Variants in MMD2 observed in about 807,000 individuals in gnomAD.
The protein encoded by MMD2 is monocyte to macrophage differentiation factor 2.
Under a neutral mutation model 33.5 loss-of-function variants are expected in MMD2, and 30 were observed. The ratio of observed to expected loss-of-function variants is 0.90; its 90% CI spans 0.67 to 1.22. The LOEUF (loss-of-function observed/expected upper bound fraction) is 1.22, where lower values mean the gene tolerates loss of function less well. MMD2 is among the 50% of genes most tolerant of loss of function. MMD2 has a pLI of 0.00. For synonymous variants in MMD2, 129 were observed against 123.0 expected (o/e 1.05, Z -0.32); for missense variants, 364 against 325.4 (o/e 1.12, Z -0.91).
In MMD2 at chr7:4,940,618, C is replaced by T. The variant is rs968300410; in HGVS notation, c.48-15086G>A. On this transcript the variant is annotated intron_variant, in intron 1 of 6. Coordinates refer to ENST00000401401, the MANE Select transcript of MMD2 (RefSeq NM_198403.4). The surrounding 1 kb of genome is among the most constrained non-coding windows in gnomAD (Gnocchi z 5.0). ...GTGTCCATTCATGAATTCAAGGCTCCTCCTGAAAGGCCGGCGGTATCTTGG... is the reference window on the plus strand; with the variant it reads ...GTGTCCATTCATGAATTCAAGGCTCTTCCTGAAAGGCCGGCGGTATCTTGG... 3.9e-5 allele frequency among the ~76,000 whole-genome samples: 6 copies of T among 152,236 alleles called. No homozygotes were observed. Among genetic ancestry groups the T allele is most frequent in the Non-Finnish European group, 8.8e-5 (6 of 68,040 alleles).
At chr7:4,905,570 C>T (rs1355729787), downstream of MMD2, among the ~76,000 whole-genome samples, 1 of 152,096 alleles carries the variant, frequency 6.6e-6, no homozygotes, top group African/African-American at 2.4e-5. The surrounding 1 kb of genome is among the most constrained non-coding windows in gnomAD (Gnocchi z 5.0). Context: ...TGGTGTCCGT[C>T]AGCATCGTGA....
intron 4 of MMD2, among the ~76,000 whole-genome samples, chr7:4,915,018 C>T (rs892583511): frequency 6.6e-6 from 1 of 152,130 alleles, no homozygotes; most frequent in Non-Finnish European, 1.5e-5. Flanking sequence ...CACGCCTGTA[C>T]TCCCAACAGT....
intron 1 of MMD2, among the ~76,000 whole-genome samples, chr7:4,938,435 G>A (rs551905011): frequency 6.6e-6 from 1 of 152,086 alleles, no homozygotes; most frequent in Non-Finnish European, 1.5e-5. Context: ...ATCCCGTGGT[G>A]AGGGGCCTGT....
the MMD2 span, among the ~76,000 whole-genome samples, chr7:4,894,518 T>C: frequency 6.6e-6 from 1 of 151,964 alleles, no homozygotes; most frequent in Admixed American, 6.6e-5. This position sits in a 1 kb window ranked among gnomAD's most constrained non-coding sequence, Gnocchi z 4.3. Flanking sequence ...TATTGGGCCA[T>C]CAGATTCCAG....
At chr7:4,957,636 C>T (rs574707167) in intron 1 of MMD2, among the ~76,000 whole-genome samples, 6 of 147,658 alleles carry the variant, frequency 4.1e-5, no homozygotes, top group Admixed American at 2.1e-4. Flanking sequence ...GCAACAAGAG[C>T]GAGACTCCAT....
chr7:4,944,678 A>G (rs994614242), intron 1 of MMD2, among the ~76,000 whole-genome samples: 6 of 151,938 alleles, frequency 3.9e-5, no homozygotes, highest in African/African-American at 7.3e-5. Flanking sequence ...GGTCCTGCTG[A>G]ACCCCGCTAC....
At chr7:4,901,305 G>C (rs1387614187), downstream of MMD2, among the ~76,000 whole-genome samples, 1 of 151,756 alleles carries the variant, frequency 6.6e-6, no homozygotes, top group East Asian at 1.9e-4. Flanking sequence ...ACTGAGCATA[G>C]TGGTATGCGC....
intron 1 of MMD2, among the ~76,000 whole-genome samples, chr7:4,953,091 T>A (rs913007439): frequency 2.0e-5 from 3 of 151,960 alleles, no homozygotes; most frequent in African/African-American, 7.3e-5. Context: ...CCACCGGGAT[T>A]ACAGGCATGA....
At chr7:4,899,956 A>T in the MMD2 span, among the ~76,000 whole-genome samples, 1 of 152,180 alleles carries the variant, frequency 6.6e-6, no homozygotes, top group African/African-American at 2.4e-5. Context: ...ATGTGCAAAG[A>T]GAAAGTTGTC....
Position 4,940,674 on chromosome 7 carries a change from G to T in MMD2, c.48-15142C>A, listed in dbSNP as rs1032219505. On this transcript the variant is annotated intron_variant, in intron 1 of 6. Coordinates refer to ENST00000401401, the MANE Select transcript of MMD2 (RefSeq NM_198403.4). This position sits in a 1 kb window ranked among gnomAD's most constrained non-coding sequence, Gnocchi z 5.0. Reference sequence around the variant, plus strand: ...TCTTTGGGAAACAGTCCTTGGGCCGGTGCCACCTGGGAATGGTCATGAAAT... The same window carrying T: ...TCTTTGGGAAACAGTCCTTGGGCCGTTGCCACCTGGGAATGGTCATGAAAT... 2.0e-5 allele frequency among the ~76,000 whole-genome samples: 3 copies of T among 152,216 alleles called. No individual in the cohort carries two copies. Among genetic ancestry groups the T allele is most frequent in the African/African-American group, 7.2e-5 (3 of 41,472 alleles).
chr7:4,951,446 C>A (rs1040644174), intron 1 of MMD2, among the ~76,000 whole-genome samples: 11 of 152,146 alleles, frequency 7.2e-5, no homozygotes, highest in South Asian at 2.1e-4. Context: ...ACTTCACCCC[C>A]CAATGGCCTC....
rs551906867 is a variant in MMD2 at position 4,920,164 on chromosome 7, G to C, written c.290+7C>G. 1.9e-6 allele frequency: 3 copies of C among 1,555,908 alleles called. No homozygotes were observed. Among genetic ancestry groups the C allele is most frequent in the Admixed American group, 3.9e-5 (2 of 51,300 alleles). The stretch of plus-strand genomic sequence containing the variant: ...CCCGGCATGGGTCCCCTCTGGGCGG[G>C]AGGCACCTGAGGTGGCTCTTCTTCC... On this transcript the variant is annotated splice_region_variant and intron_variant, in intron 3 of 6. Coordinates refer to ENST00000401401, the MANE Select transcript of MMD2 (RefSeq NM_198403.4).
downstream of MMD2, among the ~76,000 whole-genome samples, chr7:4,903,963 G>A (rs187676888): frequency 2.2e-3 from 338 of 152,136 alleles, 2 homozygotes; most frequent in Non-Finnish European, 3.8e-3. Context: ...ACGGAGTTTC[G>A]CTTTTGTTGC....
At position 4,959,010 on chromosome 7, in the gene MMD2, G is replaced by C; in HGVS notation, c.8C>G (p.Ala3Gly). MF[A>G]PRLLDFQKTK... is the part of the protein sequence containing the mutation. ...CTTCTGGAAATCCAGCAGCCGGGGG[G>C]CGAACATCGCGGCGCTTCCATGGGA... Residue 3 changes from alanine (A) to glycine (G), a missense_variant, in exon 1 of 7, where the codon GCC becomes GGC. Ala to Gly is a moderately conservative substitution (Grantham distance 60). Coordinates refer to ENST00000401401, the MANE Select transcript of MMD2 (RefSeq NM_198403.4). The C allele has an allele frequency of 7.9e-7, 1 of 1,272,144 alleles. No individual in the cohort carries two copies. The highest frequency in any genetic ancestry group is 1.0e-6 in the Non-Finnish European group (1 of 1,001,194). The allele number at this position is 1,272,144 out of a possible 1,614,324, so 78.8% of individuals were successfully genotyped here. A position where few individuals can be genotyped will look rare whatever the true frequency, so the allele number is the denominator to read the frequency against.
chr7:4,917,026 T>C (rs1251986244), intron 3 of MMD2, among the ~76,000 whole-genome samples: 1 of 152,054 alleles, frequency 6.6e-6, no homozygotes, highest in Non-Finnish European at 1.5e-5. Context: ...GAGCCATGTT[T>C]GTGCCACTGC....
chr7:4,944,586 C>A (rs1053036320), intron 1 of MMD2, among the ~76,000 whole-genome samples: 1 of 152,138 alleles, frequency 6.6e-6, no homozygotes, highest in African/African-American at 2.4e-5. Flanking sequence ...CCATTCTCCA[C>A]CAGAATAGTC....
At chr7:4,947,539 G>A (rs181465638) in intron 1 of MMD2, among the ~76,000 whole-genome samples, 11 of 138,746 alleles carry the variant, frequency 7.9e-5, no homozygotes, top group South Asian at 4.7e-4. Flanking sequence ...GATTACAGGC[G>A]CATGCCTCCA....
intron 1 of MMD2, among the ~76,000 whole-genome samples, chr7:4,957,031 T>C (rs925350221): frequency 6.6e-6 from 1 of 151,990 alleles, no homozygotes; most frequent in South Asian, 2.1e-4. Context: ...CCAGGCTTGG[T>C]GGCAGGCGCC....
intron 1 of MMD2, among the ~76,000 whole-genome samples, chr7:4,957,099 G>A (rs1786403281): frequency 6.6e-6 from 1 of 151,586 alleles, no homozygotes; most frequent in South Asian, 2.1e-4. Context: ...CCGGGAGGTG[G>A]AGGTTGCAGT....
Sources: allele counts gnomAD v4.1 joint callset (sites outside exome capture counted in the v4.1 genomes callset), GRCh38; gene constraint gnomAD v4.1.1; non-coding constraint Gnocchi (gnomAD v3.1); transcripts MANE v1.5; gene names NCBI Gene and HGNC (gene_info 2026-07-23, HGNC 2026-07-21).